Variants in VPS8 observed in about 807,000 individuals in gnomAD.
VPS8 encodes the protein vacuolar protein sorting-associated protein 8 homolog.
A neutral mutation model predicts 216.4 loss-of-function variants in VPS8; 129 were observed. The ratio of observed to expected loss-of-function variants is 0.60; its 90% CI spans 0.52 to 0.69. The LOEUF is 0.69. Ranked by LOEUF, VPS8 falls within the 30% of genes least tolerant of loss-of-function variation. The pLI is 0.00. For synonymous variants in VPS8, 571 were observed against 565.4 expected, an observed-to-expected ratio of 1.01 and a Z score of -0.14; for missense variants, 1,531 against 1,683.5, an observed-to-expected ratio of 0.91 and a Z score of 1.59.
chr3:185,050,103 A>G (rs1238821471), intron 47 of VPS8, among the ~76,000 whole-genome samples: 5 of 149,348 alleles, frequency 3.3e-5, no homozygotes, highest in East Asian at 4.0e-4. Context: ...ACACAAAAAT[A>G]TCTGTTTTCC....
At chr3:185,049,965 C>G (rs1713827628) in intron 47 of VPS8, among the ~76,000 whole-genome samples, 1 of 152,128 alleles carries the variant, frequency 6.6e-6, no homozygotes, top group South Asian at 2.1e-4. Context: ...CCATCCCTTT[C>G]CAGCCTCAGC....
At position 185,000,181 on chromosome 3, in the gene VPS8, G is replaced by T. The variant is rs531200220; in HGVS notation, c.4002+320G>T. Reference sequence around the variant, plus strand: ...GAGTAACAGCTTAGCAAGTACAGCTGAGTACTTGCAGGTACCAATGAGTAC... The same window carrying T: ...GAGTAACAGCTTAGCAAGTACAGCTTAGTACTTGCAGGTACCAATGAGTAC... On this transcript the variant is annotated intron_variant, in intron 45 of 47. Coordinates refer to ENST00000625842, the MANE Select transcript of VPS8 (RefSeq NM_001009921.3). 1.1e-4 allele frequency among the ~76,000 whole-genome samples: 17 copies of T among 152,320 alleles called. No homozygotes were observed. The South Asian group carries it at 2.7e-3, about 24-fold the overall frequency.
intron 45 of VPS8, among the ~76,000 whole-genome samples, chr3:185,024,048 A>G (rs537516227): frequency 1.3e-5 from 2 of 152,302 alleles, no homozygotes; most frequent in South Asian, 4.1e-4. Context: ...GCTTAACATC[A>G]TCACCAAAGA....
intron 21 of VPS8, among the ~76,000 whole-genome samples, chr3:184,873,186 A>G (rs1047736647): frequency 1.3e-5 from 2 of 152,172 alleles, no homozygotes; most frequent in African/African-American, 4.8e-5. Context: ...ATAGATGAGG[A>G]AACAGGCTTA....
intron 29 of VPS8, among the ~76,000 whole-genome samples, chr3:184,924,043 A>G (rs1384453003): frequency 1.3e-5 from 2 of 152,234 alleles, no homozygotes; most frequent in African/African-American, 2.4e-5. Flanking sequence ...CATCTTACAC[A>G]TAGTGAGTAC....
rs1043792425 is a variant in VPS8 at position 185,008,031 on chromosome 3, C to T, written c.4002+8170C>T. ...CTGATATAAATAGGTCATATCAATACTATATTACTATAATTAAATATATAT... is the reference window on the plus strand; with the variant it reads ...CTGATATAAATAGGTCATATCAATATTATATTACTATAATTAAATATATAT... On this transcript the variant is annotated intron_variant, in intron 45 of 47. Coordinates refer to ENST00000625842, the MANE Select transcript of VPS8 (RefSeq NM_001009921.3). 2.3e-4 allele frequency among the ~76,000 whole-genome samples: 35 copies of T among 151,746 alleles called. 1 individual carries two copies. Among genetic ancestry groups the T allele is most frequent in the Non-Finnish European group, 1.0e-4 (7 of 67,920 alleles).
At chr3:184,861,817 G>C (rs573667989) in intron 15 of VPS8, among the ~76,000 whole-genome samples, 1 of 152,110 alleles carries the variant, frequency 6.6e-6, no homozygotes, top group African/African-American at 2.4e-5. Context: ...TGACCTCTGA[G>C]AGTACCTAAG....
intron 46 of VPS8, among the ~76,000 whole-genome samples, chr3:185,025,514 CTT>C (rs1446435655): frequency 6.6e-6 from 1 of 152,150 alleles, no homozygotes; most frequent in African/African-American, 2.4e-5. Context: ...TCCCCTGAGA[CTT>C]TTTCAGAAGA....
At chr3:184,910,543 GTCTT>G (rs1433426626) in intron 25 of VPS8, among the ~76,000 whole-genome samples, 1 of 152,118 alleles carries the variant, frequency 6.6e-6, no homozygotes, top group African/African-American at 2.4e-5. Flanking sequence ...CTGGTTTTTT[GTCTT>G]TGACTAAGCT....
chr3:184,920,021 C>A, intron 28 of VPS8, 106 bp from the exon 29 acceptor site: 1 of 818,528 alleles, frequency 1.2e-6, no homozygotes. Context: ...GAATAGTTAT[C>A]TTATTTGAGA....
At chr3:185,040,974 G>A (rs553137015) in intron 46 of VPS8, among the ~76,000 whole-genome samples, 68 of 152,208 alleles carry the variant, frequency 4.5e-4, no homozygotes, top group African/African-American at 1.4e-3. Flanking sequence ...AGGCCAAGGC[G>A]GGCAGAATAC....
intron 11 of VPS8, among the ~76,000 whole-genome samples, chr3:184,853,171 A>G (rs1278338967): frequency 1.3e-5 from 2 of 152,160 alleles, no homozygotes; most frequent in Non-Finnish European, 2.9e-5. Flanking sequence ...AGCATCTCCT[A>G]TGTGTAGGTA....
chr3:184,982,306 TA>T (rs1750341825), intron 40 of VPS8: 3 of 442,006 alleles, frequency 6.8e-6, no homozygotes, highest in African/African-American at 2.0e-5. Flanking sequence ...GGCCTAGACT[TA>T]CTTAACAGTG....
At chr3:184,979,634 A>T (rs4686475) in intron 40 of VPS8, among the ~76,000 whole-genome samples, 2 of 152,100 alleles carry the variant, frequency 1.3e-5, no homozygotes, top group African/African-American at 2.4e-5. Flanking sequence ...GCTCTTTTTT[A>T]TTTTTTTGTT....
chr3:185,014,697 C>A (rs1022900522), intron 45 of VPS8, among the ~76,000 whole-genome samples: 1 of 152,108 alleles, frequency 6.6e-6, no homozygotes, highest in Non-Finnish European at 1.5e-5. Context: ...CTGTTTCTCC[C>A]CCCTTTTTTG....
In VPS8 at chr3:184,854,020, T is replaced by C; in HGVS notation, c.975+10T>C. ...GGCATCCTTGACAAAAGTAAGTGTA[T>C]TTAGAAGTTAAAACTCAGAACTTTT... is the stretch of plus-strand genomic sequence containing the variant. On this transcript the variant is annotated intron_variant, in intron 12 of 47. Transcript: ENST00000625842. 6.2e-7 allele frequency: 1 copy of C among 1,613,386 alleles called. No homozygotes were observed. Among genetic ancestry groups the C allele is most frequent in the Non-Finnish European group, 8.5e-7 (1 of 1,179,576 alleles).
At chr3:184,887,096 A>G (rs1229988433) in intron 22 of VPS8, among the ~76,000 whole-genome samples, 1 of 152,198 alleles carries the variant, frequency 6.6e-6, no homozygotes, top group Non-Finnish European at 1.5e-5. Flanking sequence ...TGATCCCAGC[A>G]CTGTGGGAGG....
chr3:184,885,769 A>G (rs539243415), intron 21 of VPS8, among the ~76,000 whole-genome samples: 61 of 152,128 alleles, frequency 4.0e-4, no homozygotes, highest in Non-Finnish European at 5.6e-4. Flanking sequence ...TTATTTTCCC[A>G]TGTTGTTGAA....
At chr3:184,856,153 A>G (rs566705307) in intron 14 of VPS8, among the ~76,000 whole-genome samples, 52 of 152,340 alleles carry the variant, frequency 3.4e-4, no homozygotes, top group African/African-American at 1.2e-3. Flanking sequence ...TTGAGCACCT[A>G]TTATGTCCTC....
Sources: gnomAD v4.1 joint callset for allele counts (sites outside exome capture counted in the v4.1 genomes callset) on GRCh38, gnomAD v4.1.1 for gene constraint, MANE v1.5 for transcripts, NCBI Gene and HGNC (gene_info 2026-07-23, HGNC 2026-07-21) for gene names.